The following GRID2 variants were observed in gnomAD, a reference collection of about 807,000 sequenced individuals.
GRID2 encodes glutamate receptor ionotropic, delta-2.
A neutral mutation model predicts 114.8 loss-of-function variants in GRID2; 33 were observed. The ratio of observed to expected loss-of-function variants is 0.29; its 90% CI spans 0.22 to 0.38. GRID2 has a LOEUF of 0.38. GRID2 is among the 10% of genes least tolerant of loss of function. The pLI, the probability that GRID2 is intolerant of heterozygous loss-of-function variation, is 1.00. For synonymous variants in GRID2, 505 were observed against 449.9 expected (o/e 1.12, Z -1.55); for missense variants, 1,184 against 1,257.7 (o/e 0.94, Z 0.89).
intron 14 of GRID2, among the ~76,000 whole-genome samples, chr4:93,636,890 G>C (rs1721455576): frequency 6.6e-6 from 1 of 152,140 alleles, no homozygotes; most frequent in Non-Finnish European, 1.5e-5. Flanking sequence ...GAGACCACTA[G>C]TCCAGGCTCC....
At chr4:93,178,661 T>A (rs1739596539) in intron 4 of GRID2, among the ~76,000 whole-genome samples, 1 of 152,044 alleles carries the variant, frequency 6.6e-6, no homozygotes, top group African/African-American at 2.4e-5. Context: ...GTGCTAGGAT[T>A]ACACTTGTGA....
chr4:93,806,099 T>TA (rs1735023514), intron 1 of GRID2, among the ~76,000 whole-genome samples: 2 of 151,502 alleles, frequency 1.3e-5, no homozygotes, highest in South Asian at 2.1e-4. Flanking sequence ...TCCAGAAAAA[T>TA]AAAAAAATAA....
intron 14 of GRID2, among the ~76,000 whole-genome samples, chr4:93,662,239 G>A (rs371828018): frequency 1.5e-4 from 23 of 152,092 alleles, no homozygotes; most frequent in African/African-American, 4.1e-4. Context: ...CTACTTAAAG[G>A]CACACGCCCA....
chr4:92,706,931 A>G (rs1188488910), intron 2 of GRID2, among the ~76,000 whole-genome samples: 2 of 152,166 alleles, frequency 1.3e-5, no homozygotes, highest in East Asian at 1.9e-4. Context: ...CATCATTTTT[A>G]GTCACCAATT....
intron 3 of GRID2, among the ~76,000 whole-genome samples, chr4:93,095,897 T>C (rs1000703337): frequency 6.6e-6 from 1 of 152,056 alleles, no homozygotes; most frequent in Admixed American, 6.6e-5. Flanking sequence ...AAGAAATTGA[T>C]AAGCTGATCC....
intron 2 of GRID2, among the ~76,000 whole-genome samples, chr4:92,719,879 G>A (rs1735731259): frequency 6.6e-6 from 1 of 152,086 alleles, no homozygotes; most frequent in African/African-American, 2.4e-5. Flanking sequence ...CTCTAAGGAT[G>A]TTCTAAGTCA....
At chr4:92,381,708 T>G (rs1729629050) in intron 1 of GRID2, among the ~76,000 whole-genome samples, 1 of 152,034 alleles carries the variant, frequency 6.6e-6, no homozygotes, top group Non-Finnish European at 1.5e-5. Context: ...TTAATTTCAA[T>G]GTGTTAAATT....
intron 1 of GRID2, among the ~76,000 whole-genome samples, chr4:92,500,788 G>C (rs1036940534): frequency 7.9e-5 from 12 of 152,080 alleles, no homozygotes; most frequent in African/African-American, 2.9e-4. Flanking sequence ...TAGGAATATG[G>C]GTGAAACAAT....
At chr4:92,996,406 G>C (rs1755202155) in intron 2 of GRID2, among the ~76,000 whole-genome samples, 1 of 152,130 alleles carries the variant, frequency 6.6e-6, no homozygotes, top group South Asian at 2.1e-4. Context: ...GTTTGCCCAA[G>C]CACTCACGTG....
chr4:93,158,369 A>G (rs1009070769), intron 4 of GRID2, among the ~76,000 whole-genome samples: 1 of 151,810 alleles, frequency 6.6e-6, no homozygotes. Context: ...GAAGCCTCCA[A>G]TAGTACCATT....
chr4:92,462,810 A>T (rs1721561803), intron 1 of GRID2, among the ~76,000 whole-genome samples: 1 of 152,010 alleles, frequency 6.6e-6, no homozygotes, highest in East Asian at 1.9e-4. Context: ...GACTTGTTAT[A>T]CAGGTACATG....
chr4:93,748,668 G>A (rs72875943), intron 14 of GRID2, among the ~76,000 whole-genome samples: 2 of 149,486 alleles, frequency 1.3e-5, no homozygotes, highest in Non-Finnish European at 3.0e-5. Flanking sequence ...ATGCCCTATG[G>A]ATCTTTTTTC....
At chr4:93,601,331 C>G (rs1210954570) in intron 13 of GRID2, among the ~76,000 whole-genome samples, 1 of 152,176 alleles carries the variant, frequency 6.6e-6, no homozygotes, top group Non-Finnish European at 1.5e-5. Context: ...CACCCCTCTC[C>G]TATACATCAT....
rs141401022 is a variant in GRID2 at position 93,166,425 on chromosome 4, G to A, written c.736-40979G>A. On this transcript the variant is annotated intron_variant, in intron 4 of 15. Coordinates refer to ENST00000282020, the MANE Select transcript of GRID2 (RefSeq NM_001510.4). Reference sequence around the variant, plus strand: ...CCTGGGTCTATTCTCCTTGTCAGCTGGACATCCAGGAAAATGGACTAAAAA... The same window carrying A: ...CCTGGGTCTATTCTCCTTGTCAGCTAGACATCCAGGAAAATGGACTAAAAA... Among the ~76,000 whole-genome samples the A allele has an allele frequency of 4.1e-3, 631 of 152,196 alleles. 8 individuals carry two copies. Among genetic ancestry groups the A allele is most frequent in the African/African-American group, 0.015 (608 of 41,538 alleles).
intron 13 of GRID2, among the ~76,000 whole-genome samples, chr4:93,596,444 G>A (rs148112560): frequency 0.022 from 3,279 of 152,206 alleles, 104 homozygotes; most frequent in African/African-American, 0.074. Context: ...TGGGCATGGT[G>A]GCAGGCGCCT....
At chr4:92,600,394 G>T (rs1315977704) in intron 2 of GRID2, among the ~76,000 whole-genome samples, 2 of 151,790 alleles carry the variant, frequency 1.3e-5, no homozygotes, top group Non-Finnish European at 2.9e-5. Flanking sequence ...ATGAGAAGTT[G>T]TCATATTAGC....
rs116145774 is a variant in GRID2, at chr4:92,816,444, A to G, written c.244+226158A>G. ...ATTAAAACCTTATTATTGCTCATAC[A>G]TTAATGCATGTTTCCTTGTTTTCAG... is the stretch of plus-strand genomic sequence containing the variant. On this transcript the variant is annotated intron_variant, in intron 2 of 15. Coordinates refer to ENST00000282020, the MANE Select transcript of GRID2 (RefSeq NM_001510.4). Among the ~76,000 whole-genome samples the G allele has an allele frequency of 6.6e-3, 1,005 of 151,966 alleles. 18 individuals carry two copies. The highest frequency in any genetic ancestry group is 0.023 in the African/African-American group (940 of 41,460).
chr4:93,576,119 G>A (rs1247051486), intron 13 of GRID2, among the ~76,000 whole-genome samples: 1 of 152,038 alleles, frequency 6.6e-6, no homozygotes, highest in Admixed American at 6.6e-5. Context: ...GGATATTTTG[G>A]TATTGCTTAC....
In GRID2 at chr4:93,104,413, C is replaced by T. The variant is rs1376460943; in HGVS notation, c.530-6335C>T. Among the ~76,000 whole-genome samples, 10 of 151,944 alleles carry T rather than the reference C, an allele frequency of 6.6e-5. No individual in the cohort carries two copies. In the East Asian group the frequency reaches 9.7e-4, roughly 15 times the overall value. ...TGCTGGTGTGCTGCACCCATTAACTCGTCATTTAGCATTAGGTATATCTCC... is the reference window on the plus strand; with the variant it reads ...TGCTGGTGTGCTGCACCCATTAACTTGTCATTTAGCATTAGGTATATCTCC... On this transcript the variant is annotated intron_variant, in intron 3 of 15. Transcript: ENST00000282020.
Sources: gnomAD v4.1 joint callset for allele counts (sites outside exome capture counted in the v4.1 genomes callset) on GRCh38, gnomAD v4.1.1 for gene constraint, MANE v1.5 for transcripts, NCBI Gene and HGNC (gene_info 2026-07-23, HGNC 2026-07-21) for gene names.